The following PITPNM3 variants were observed in gnomAD, a reference collection of about 807,000 sequenced individuals.
The protein encoded by PITPNM3 is membrane-associated phosphatidylinositol transfer protein 3.
A neutral mutation model predicts 102.0 loss-of-function variants in PITPNM3; 26 were observed. The ratio of observed to expected loss-of-function variants is 0.25; its 90% CI spans 0.19 to 0.35. The LOEUF (loss-of-function observed/expected upper bound fraction) is 0.35, where lower values mean the gene tolerates loss of function less well. Among genes scored for constraint, PITPNM3 ranks in the 10% least tolerant of loss-of-function variants. The pLI, the probability that PITPNM3 is intolerant of heterozygous loss-of-function variation, is 1.00. For synonymous variants in PITPNM3, 578 were observed against 558.6 expected, an observed-to-expected ratio of 1.03 and a Z score of -0.49; for missense variants, 1,083 against 1,346.1, an observed-to-expected ratio of 0.80 and a Z score of 3.06.
At chr17:6,522,810 C>T (rs564125544) in intron 3 of PITPNM3, among the ~76,000 whole-genome samples, 4 of 152,248 alleles carry the variant, frequency 2.6e-5, no homozygotes, top group African/African-American at 9.6e-5. Flanking sequence ...GAGCCTTGTC[C>T]CAGCCTGCCT....
intron 3 of PITPNM3, among the ~76,000 whole-genome samples, chr17:6,514,092 C>T (rs561380798): frequency 1.3e-5 from 2 of 152,262 alleles, no homozygotes; most frequent in South Asian, 4.1e-4. Context: ...TCCTAGCTCA[C>T]ACCATACACA....
chr17:6,516,875 G>C (rs943811721), intron 3 of PITPNM3, among the ~76,000 whole-genome samples: 4 of 151,504 alleles, frequency 2.6e-5, no homozygotes, highest in Non-Finnish European at 4.4e-5. Flanking sequence ...ATTAAAAAAA[G>C]AAAGAAAGAA....
chr17:6,513,012 C>T (rs981751169), intron 3 of PITPNM3, among the ~76,000 whole-genome samples: 2 of 150,620 alleles, frequency 1.3e-5, no homozygotes, highest in African/African-American at 4.9e-5. Flanking sequence ...ATCGATGTAA[C>T]GTACCATATT....
intron 3 of PITPNM3, among the ~76,000 whole-genome samples, chr17:6,508,002 C>T (rs1370237063): frequency 2.6e-5 from 4 of 151,122 alleles, no homozygotes; most frequent in African/African-American, 9.7e-5. Context: ...GCTGGGGTTG[C>T]TGGGAATGCT....
intron 4 of PITPNM3, among the ~76,000 whole-genome samples, chr17:6,501,990 C>G (rs1184668714): frequency 1.3e-5 from 2 of 152,142 alleles, no homozygotes; most frequent in Non-Finnish European, 1.5e-5. Flanking sequence ...TCCTTACACC[C>G]CTACGAGTGC....
intron 3 of PITPNM3, among the ~76,000 whole-genome samples, chr17:6,514,654 G>A (rs767244942): frequency 1.3e-5 from 2 of 152,148 alleles, no homozygotes; most frequent in Non-Finnish European, 2.9e-5. Flanking sequence ...CATTACTGGT[G>A]GAAATGTAAA....
Position 6,474,562 on chromosome 17 carries a change from C to T in PITPNM3, c.1128G>A (p.Ala376=), listed in dbSNP as rs146033772. ...SVLKDESETP[A]AGGPQLPEVS... ...CCTCAGGGAGCTGCGGCCCCCCAGC[C>T]GCCGGGGTCTCAGACTCATCCTTTA... The change falls in exon 10 of 20, where the codon GCG becomes GCA. Residue 376 remains alanine (A), a synonymous_variant. Coordinates refer to ENST00000262483, the MANE Select transcript of PITPNM3 (RefSeq NM_031220.4). 4.2e-4 allele frequency: 663 copies of T among 1,594,160 alleles called. 1 individual carries two copies. The highest frequency in any genetic ancestry group is 4.8e-4 in the Non-Finnish European group (561 of 1,170,980).
intron 4 of PITPNM3, among the ~76,000 whole-genome samples, chr17:6,498,013 C>T (rs1018680909): frequency 2.0e-4 from 30 of 152,196 alleles, no homozygotes; most frequent in African/African-American, 7.0e-4. Flanking sequence ...TCCCACCGGA[C>T]GTTCCTGGAT....
rs1904917879 is a variant in PITPNM3 at position 6,468,863 on chromosome 17, C to A, written c.1774-522G>T. Among the ~76,000 whole-genome samples, 2 of 152,150 alleles carry A rather than the reference C, an allele frequency of 1.3e-5. No individual in the cohort carries two copies. Among genetic ancestry groups the A allele is most frequent in the Admixed American group, 1.3e-4 (2 of 15,286 alleles). ...CCAGTGACCGCCACATCCCTGCTGT[C>A]CCTCACAGCAGCACTGACAGAGGAC... On this transcript the variant is annotated intron_variant, in intron 13 of 19. Transcript: ENST00000262483. The surrounding 1 kb of genome is among the most constrained non-coding windows in gnomAD (Gnocchi z 5.2).
chr17:6,477,232 G>A lies in PITPNM3; in HGVS notation c.901-19C>T, dbSNP rs1022861160. On this transcript the variant is annotated intron_variant, in intron 8 of 19. Coordinates refer to ENST00000262483, the MANE Select transcript of PITPNM3 (RefSeq NM_031220.4). ...GGGTGTCCTTTGGGACCGAACAGGG[G>A]ACAGGAGAGAAAAAGACTGTTGTCA... The A allele has an allele frequency of 1.2e-6, 2 of 1,612,360 alleles. No individual in the cohort carries two copies. Among genetic ancestry groups the A allele is most frequent in the East Asian group, 2.2e-5 (1 of 44,874 alleles).
At chr17:6,546,722 A>G (rs1255319452) in intron 1 of PITPNM3, among the ~76,000 whole-genome samples, 2 of 152,212 alleles carry the variant, frequency 1.3e-5, no homozygotes, top group East Asian at 1.9e-4. Context: ...AAGTCTGTAC[A>G]GGGCAGCTGT....
intron 2 of PITPNM3, among the ~76,000 whole-genome samples, chr17:6,536,303 C>T (rs1232135509): frequency 1.3e-5 from 2 of 152,146 alleles, no homozygotes; most frequent in African/African-American, 2.4e-5. Context: ...AGCTGACCCT[C>T]GCGCCACCCA....
At chr17:6,488,392 T>C (rs567631721) in intron 4 of PITPNM3, among the ~76,000 whole-genome samples, 1 of 152,026 alleles carries the variant, frequency 6.6e-6, no homozygotes, top group Non-Finnish European at 1.5e-5. Flanking sequence ...CTTTGATCTA[T>C]CTAGGCAAAG....
Position 6,468,409 on chromosome 17 carries a change from G to A in PITPNM3, c.1774-68C>T. 2 of 1,508,446 alleles carry A rather than the reference G, an allele frequency of 1.3e-6. No individual in the cohort carries two copies. Among genetic ancestry groups the A allele is most frequent in the Non-Finnish European group, 1.8e-6 (2 of 1,085,610 alleles). The allele number at this position is 1,508,446 out of a possible 1,614,324, so 93.4% of individuals were successfully genotyped here. A position where few individuals can be genotyped will look rare whatever the true frequency, so the allele number is the denominator to read the frequency against. ...TCTCTGCTTCCCTCCCAGGGTGTCA[G>A]TGCCCACCAGCTTGTGGCCAGCTGG... On this transcript the variant is annotated intron_variant, in intron 13 of 19. Transcript: ENST00000262483. This position sits in a 1 kb window ranked among gnomAD's most constrained non-coding sequence, Gnocchi z 5.2.
At chr17:6,541,809 A>G (rs116580684) in intron 1 of PITPNM3, among the ~76,000 whole-genome samples, 2,156 of 152,278 alleles carry the variant, frequency 0.014, 26 homozygotes, top group African/African-American at 0.03. Flanking sequence ...GGTCCAACAC[A>G]AAGTCCCACA....
At chr17:6,513,307 A>C (rs1355422475) in intron 3 of PITPNM3, among the ~76,000 whole-genome samples, 1 of 152,160 alleles carries the variant, frequency 6.6e-6, no homozygotes, top group African/African-American at 2.4e-5. Context: ...CTAGTTAAGG[A>C]AATTAGATAA....
At chr17:6,506,223 C>T (rs1352982760) in intron 3 of PITPNM3, among the ~76,000 whole-genome samples, 3 of 151,892 alleles carry the variant, frequency 2.0e-5, no homozygotes, top group African/African-American at 4.8e-5. Flanking sequence ...AAGGAAATGC[C>T]GGGTCCCTTG....
Position 6,461,566 on chromosome 17 carries a change from T to C in PITPNM3, c.2307-10A>G. 1 of 1,613,980 alleles carries C rather than the reference T, an allele frequency of 6.2e-7. No individual in the cohort carries two copies. Among genetic ancestry groups the C allele is most frequent in the African/African-American group, 1.3e-5 (1 of 75,036 alleles). On this transcript the variant is annotated splice_polypyrimidine_tract_variant and intron_variant, in intron 17 of 19. Coordinates refer to ENST00000262483, the MANE Select transcript of PITPNM3 (RefSeq NM_031220.4). Reference sequence around the variant, plus strand: ...CAAGTCCTGCCAGTGCCTGGTGAGATGGCATTAGAAGGGTCCAGCCCTGCC... The same window carrying C: ...CAAGTCCTGCCAGTGCCTGGTGAGACGGCATTAGAAGGGTCCAGCCCTGCC...
At position 6,556,181 on chromosome 17, in the gene PITPNM3, G is replaced by A. The variant is rs539881975; in HGVS notation, c.22+204C>T. On this transcript the variant is annotated intron_variant, in intron 1 of 19. Coordinates refer to ENST00000262483, the MANE Select transcript of PITPNM3 (RefSeq NM_031220.4). This position sits in a 1 kb window ranked among gnomAD's most constrained non-coding sequence, Gnocchi z 5.2. ...GAGAAGGGGACGCGGTGTCCCCCGA[G>A]GTGACCGGGGGCGCAGGAAGGACGG... Among the ~76,000 whole-genome samples the A allele has an allele frequency of 1.2e-3, 176 of 152,004 alleles. No individual in the cohort carries two copies. Among genetic ancestry groups the A allele is most frequent in the Middle Eastern group, 3.4e-3 (1 of 292 alleles).
Sources: gnomAD v4.1 joint callset for allele counts (sites outside exome capture counted in the v4.1 genomes callset) on GRCh38, gnomAD v4.1.1 for gene constraint, Gnocchi (gnomAD v3.1) non-coding constraint, MANE v1.5 for transcripts, NCBI Gene and HGNC (gene_info 2026-07-23, HGNC 2026-07-21) for gene names.